The following WLS variants were observed in gnomAD, a reference collection of about 807,000 sequenced individuals.
WLS encodes the protein protein wntless homolog.
A neutral mutation model predicts 62.8 loss-of-function variants in WLS; 23 were observed. The observed-to-expected ratio is 0.37, with a 90% CI of 0.26 to 0.52. WLS has a LOEUF of 0.52. Ranked by LOEUF, WLS falls within the 20% of genes least tolerant of loss-of-function variation. The pLI is 0.92. For synonymous variants in WLS, 246 were observed against 244.1 expected (o/e 1.01, Z -0.07); for missense variants, 615 against 697.3 (o/e 0.88, Z 1.33).
At chr1:68,139,026 C>G (rs1479794754) in intron 10 of WLS, among the ~76,000 whole-genome samples, 2 of 152,112 alleles carry the variant, frequency 1.3e-5, no homozygotes, top group African/African-American at 4.8e-5. Flanking sequence ...GGCCCTAGGC[C>G]AAATTAAGGT....
Position 68,145,826 on chromosome 1 carries a change from C to A in WLS, c.1278+43G>T, listed in dbSNP as rs368717343. 5.6e-6 allele frequency: 9 copies of A among 1,610,542 alleles called. No homozygotes were observed. In the Admixed American group the frequency reaches 1.3e-4, roughly 24 times the overall value. ...GTGTTTACACATCAAGTGGAAAGATCAAGCAAGCACCAGTTCCAGAACGAG... is the reference window on the plus strand; with the variant it reads ...GTGTTTACACATCAAGTGGAAAGATAAAGCAAGCACCAGTTCCAGAACGAG... On this transcript the variant is annotated intron_variant, in intron 9 of 11. Coordinates refer to ENST00000262348, the MANE Select transcript of WLS (RefSeq NM_024911.7).
intron 6 of WLS, among the ~76,000 whole-genome samples, chr1:68,149,301 G>A (rs999218597): frequency 6.6e-6 from 1 of 152,164 alleles, no homozygotes; most frequent in Non-Finnish European, 1.5e-5. Flanking sequence ...GCTTCCTGGT[G>A]CTGGACCAAG....
intron 2 of WLS, among the ~76,000 whole-genome samples, chr1:68,172,036 C>T (rs944518264): frequency 2.6e-5 from 4 of 151,986 alleles, no homozygotes; most frequent in Admixed American, 2.6e-4. Context: ...AGCTGGAAAC[C>T]ATCATTCTCA....
At chr1:68,155,018 G>C (rs1646876591) in intron 4 of WLS, 81 bp downstream of exon 4, 5 of 1,421,140 alleles carry the variant, frequency 3.5e-6, no homozygotes, top group African/African-American at 1.4e-5. Context: ...TCTCAGATGA[G>C]ACAGGTGAGG....
At chr1:68,134,860 G>A (rs905544407) in intron 11 of WLS, among the ~76,000 whole-genome samples, 2 of 152,222 alleles carry the variant, frequency 1.3e-5, no homozygotes, top group Non-Finnish European at 2.9e-5. Flanking sequence ...CTACTGTGTA[G>A]GGTGGGAAGT....
intron 5 of WLS, among the ~76,000 whole-genome samples, chr1:68,150,984 T>C (rs1646818227): frequency 6.6e-6 from 1 of 152,244 alleles, no homozygotes; most frequent in South Asian, 2.1e-4. Flanking sequence ...GTACCAGGTA[T>C]TGTGTTAGCA....
At chr1:68,119,398 G>T (rs1229549103) in intron 11 of WLS, among the ~76,000 whole-genome samples, 1 of 152,186 alleles carries the variant, frequency 6.6e-6, no homozygotes, top group African/African-American at 2.4e-5. Context: ...CAGAGTTTCT[G>T]TGATAGGACC....
rs750846202 is a variant in WLS at position 68,155,342 on chromosome 1, C to T, written c.505-82G>A. The T allele has an allele frequency of 3.1e-5, 47 of 1,492,964 alleles. 1 individual carries two copies. The highest frequency in any genetic ancestry group is 2.0e-4 in the Middle Eastern group (1 of 5,012). The allele number at this position is 1,492,964 out of a possible 1,614,324, so 92.5% of individuals were successfully genotyped here. A position where few individuals can be genotyped will look rare whatever the true frequency, so the allele number is the denominator to read the frequency against. ...GAATTCTGTTACCCTGGATCCATAA[C>T]ATCAATTGTAAGCAGCTAATGCTTA... On this transcript the variant is annotated intron_variant, in intron 3 of 11. Transcript: ENST00000262348.
chr1:68,221,568 T>G (rs528063852), intron 1 of WLS, among the ~76,000 whole-genome samples: 11 of 152,292 alleles, frequency 7.2e-5, no homozygotes, highest in African/African-American at 2.6e-4. Flanking sequence ...TGGGGCAAAT[T>G]ACAACCTAAA....
intron 1 of WLS, among the ~76,000 whole-genome samples, chr1:68,221,962 A>T (rs751553212): frequency 2.0e-4 from 31 of 152,204 alleles, no homozygotes; most frequent in South Asian, 1.4e-3. Context: ...AAAGTGAAGA[A>T]ATGGCAGAGA....
At chr1:68,170,000 A>G (rs2100536094) in intron 2 of WLS, among the ~76,000 whole-genome samples, 1 of 152,126 alleles carries the variant, frequency 6.6e-6, no homozygotes, top group East Asian at 1.9e-4. Context: ...TGCCTATGCA[A>G]TGTTGGGAGT....
At chr1:68,163,032 C>G in intron 2 of WLS, 1 of 1,588,030 alleles carries the variant, frequency 6.3e-7, no homozygotes, top group Non-Finnish European at 8.6e-7. Context: ...GGGGCGGATA[C>G]CTTCACAAAT....
intron 11 of WLS, among the ~76,000 whole-genome samples, chr1:68,128,538 T>A (rs1348397866): frequency 6.6e-6 from 1 of 152,232 alleles, no homozygotes; most frequent in East Asian, 1.9e-4. Flanking sequence ...TGAGGACTTC[T>A]TAGAAATAGA....
At chr1:68,124,001 A>G (rs1646394442), downstream of WLS, among the ~76,000 whole-genome samples, 1 of 152,094 alleles carries the variant, frequency 6.6e-6, no homozygotes, top group Non-Finnish European at 1.5e-5. Context: ...TTAAGTAGTG[A>G]ATCCACTGAC....
At chr1:68,162,708 A>G (rs111473349) in intron 2 of WLS, 1 of 1,206,408 alleles carries the variant, frequency 8.3e-7, no homozygotes, top group Non-Finnish European at 1.2e-6. Context: ...CCACGGCTGC[A>G]GACGGGATAT....
chr1:68,152,479 G>T (rs1256189430), intron 5 of WLS, among the ~76,000 whole-genome samples: 3 of 152,164 alleles, frequency 2.0e-5, no homozygotes, highest in Non-Finnish European at 2.9e-5. Flanking sequence ...ACCAACAGAA[G>T]GGTAGAGGAG....
intron 2 of WLS, among the ~76,000 whole-genome samples, chr1:68,172,362 C>T (rs1647167575): frequency 6.7e-6 from 1 of 149,548 alleles, no homozygotes; most frequent in African/African-American, 2.5e-5. Flanking sequence ...TAAATAAATA[C>T]AAATCTTATA....
At chr1:68,168,347 C>T (rs1367447) in intron 2 of WLS, among the ~76,000 whole-genome samples, 25,813 of 152,148 alleles carry the variant, frequency 0.17, 2,410 homozygotes, top group East Asian at 0.24. Context: ...ATAAATTGGG[C>T]ACCAAATGGA....
intron 1 of WLS, among the ~76,000 whole-genome samples, chr1:68,224,513 G>A (rs996006192): frequency 6.6e-6 from 1 of 152,078 alleles, no homozygotes; most frequent in East Asian, 1.9e-4. Flanking sequence ...CCACTATCTC[G>A]ACAAATTTCC....
Sources: allele counts gnomAD v4.1 joint callset (sites outside exome capture counted in the v4.1 genomes callset), GRCh38; gene constraint gnomAD v4.1.1; transcripts MANE v1.5; gene names NCBI Gene and HGNC (gene_info 2026-07-23, HGNC 2026-07-21).